FAT2: variants seen among roughly 807,000 people sequenced by gnomAD.
FAT2 encodes the protein FAT atypical cadherin 2.
In FAT2, 150 loss-of-function variants were observed where a neutral mutation model predicts 295.3. The ratio of observed to expected loss-of-function variants is 0.51; its 90% CI spans 0.44 to 0.58. The LOEUF is 0.58. FAT2 is among the 20% of genes least tolerant of loss of function. The pLI is 0.00. For synonymous variants in FAT2, 2,026 were observed against 2,150.3 expected, an observed-to-expected ratio of 0.94 and a Z score of 1.60; for missense variants, 4,868 against 5,442.7, an observed-to-expected ratio of 0.89 and a Z score of 3.32.
In FAT2 at chr5:151,504,459, T is replaced by G. The variant is rs1760693218; in HGVS notation, c.*1106A>C. ...ATGGGCACCCACATGTGTAGACATG[T>G]GCCCACATTGACCCTCCATGCATAG... On this transcript the variant is annotated 3_prime_UTR_variant, in exon 24 of 24. Transcript: ENST00000261800. 1 of 152,694 alleles carries G rather than the reference T, an allele frequency of 6.5e-6. No individual in the cohort carries two copies. Among genetic ancestry groups the G allele is most frequent in the South Asian group, 2.1e-4 (1 of 4,838 alleles). The allele number at this position is 152,694 out of a possible 1,614,324, so 9.5% of individuals were successfully genotyped here. A position where few individuals can be genotyped will look rare whatever the true frequency, so the allele number is the denominator to read the frequency against.
Position 151,542,941 on chromosome 5 carries a change from C to T in FAT2, c.8186G>A (p.Gly2729Asp). ...QDPVIYSLVRGTTPESNKDGV... is the reference protein window; with the variant it reads ...QDPVIYSLVRDTTPESNKDGV... The stretch of plus-strand genomic sequence containing the variant: ...ATCCTTGTTGCTCTCAGGTGTAGTG[C>T]CCCGCACTAGACTGTAGATGACTGG... Residue 2729 changes from glycine (G) to aspartate (D), a missense_variant, in exon 10 of 24, where the codon GGC (glycine) becomes GAC (aspartate). Gly to Asp is a moderately conservative substitution (Grantham distance 94). This residue lies in a region of FAT2 where 3,297 missense variants were observed against 3,669.4 expected (regional missense o/e 0.90). Transcript: ENST00000261800. 6.2e-7 allele frequency: 1 copy of T among 1,614,202 alleles called. No individual in the cohort carries two copies. The highest frequency in any genetic ancestry group is 8.5e-7 in the Non-Finnish European group (1 of 1,180,034).
intron 11 of FAT2, 76 bp from the exon 12 acceptor site, chr5:151,538,022 T>A: frequency 7.4e-7 from 1 of 1,358,650 alleles, no homozygotes; most frequent in Non-Finnish European, 1.0e-6. Flanking sequence ...AGTGACTGAC[T>A]GAGGGAGGCA....
chr5:151,506,284 T>C (rs779174232), intron 23 of FAT2, among the ~76,000 whole-genome samples, 187 bp from the exon 24 acceptor site: 34 of 152,376 alleles, frequency 2.2e-4, no homozygotes, highest in Middle Eastern at 3.4e-3. Context: ...AGCTCAAGGC[T>C]AGAGGTTTGA....
At chr5:151,555,269 GT>G (rs1291074304) in intron 4 of FAT2, among the ~76,000 whole-genome samples, 3 of 151,330 alleles carry the variant, frequency 2.0e-5, no homozygotes, top group Non-Finnish European at 4.4e-5. Context: ...ACACTTTGGT[GT>G]TTAAAGGTAA....
At position 151,566,911 on chromosome 5, in the gene FAT2, CCT is replaced by C; in HGVS notation, c.2019_2020del (p.Val675IlefsTer21). ...AGTCTTTGTGAATTGTGTCAATACC[CCT>C]GTTTTATCACATGTTACAGGAACTT... is the stretch of plus-strand genomic sequence containing the variant. On this transcript the variant is annotated frameshift_variant, in exon 2 of 24. Coordinates refer to ENST00000261800, the MANE Select transcript of FAT2 (RefSeq NM_001447.3). LOFTEE classifies it high-confidence loss of function. 2 of 1,614,076 alleles carry C rather than the reference CCT, an allele frequency of 1.2e-6. No homozygotes were observed. The highest frequency in any genetic ancestry group is 1.7e-6 in the Non-Finnish European group (2 of 1,180,008).
chr5:151,513,686 C>G (rs148352981), intron 20 of FAT2, among the ~76,000 whole-genome samples: 1 of 152,008 alleles, frequency 6.6e-6, no homozygotes, highest in Admixed American at 6.6e-5. Flanking sequence ...TACACCAATC[C>G]CCTATGATAC....
rs546501020 is a variant in FAT2 at position 151,538,066 on chromosome 5, C to T, written c.9040-120G>A. On this transcript the variant is annotated intron_variant, in intron 11 of 23. Transcript: ENST00000261800. ...AAGAGAGACACTAAGAGGGCAGAGA[C>T]GAAGAGAGACAGAAAAAAGAACAGA... 44 of 700,836 alleles carry T rather than the reference C, an allele frequency of 6.3e-5. No homozygotes were observed. In the South Asian group the frequency reaches 7.2e-4, roughly 12 times the overall value. The allele number at this position is 700,836 out of a possible 1,614,324, so 43.4% of individuals were successfully genotyped here. A position where few individuals can be genotyped will look rare whatever the true frequency, so the allele number is the denominator to read the frequency against.
At chr5:151,506,202 G>T in intron 23 of FAT2, 105 bp from the exon 24 acceptor site, 1 of 1,265,274 alleles carries the variant, frequency 7.9e-7, no homozygotes, top group Non-Finnish European at 1.1e-6. Flanking sequence ...AGATGGGAGT[G>T]GGTGGGCATA....
Position 151,548,030 on chromosome 5 carries a change from T to C in FAT2, c.4789+1265A>G, listed in dbSNP as rs149693072. Among the ~76,000 whole-genome samples the C allele has an allele frequency of 9.9e-4, 151 of 152,336 alleles. 1 individual carries two copies. Among genetic ancestry groups the C allele is most frequent in the African/African-American group, 3.5e-3 (147 of 41,590 alleles). ...TCCATCAATGAGGTTGTCAATGAGA[T>C]AAAAGATGTGATTTCATTTCATAAA... On this transcript the variant is annotated intron_variant, in intron 9 of 23. Transcript: ENST00000261800.
chr5:151,590,064 G>T (rs1168078471), intron 1 of FAT2, among the ~76,000 whole-genome samples: 4 of 152,180 alleles, frequency 2.6e-5, no homozygotes. Context: ...CTGCCACACT[G>T]CCTGGATTTG....
At chr5:151,536,681 A>G (rs987337912) in intron 12 of FAT2, among the ~76,000 whole-genome samples, 7 of 152,302 alleles carry the variant, frequency 4.6e-5, no homozygotes, top group African/African-American at 1.7e-4. Context: ...GATAATGGCA[A>G]CCCATCCACT....
rs1304590667 is a variant in FAT2 at position 151,529,401 on chromosome 5, G to A, written c.9812-9C>T. Reference sequence around the variant, plus strand: ...GTTGACATACAGGATCCCTGAAGAAGCAAGAGGTGACAGCAGCAATGAGGC... The same window carrying A: ...GTTGACATACAGGATCCCTGAAGAAACAAGAGGTGACAGCAGCAATGAGGC... On this transcript the variant is annotated splice_polypyrimidine_tract_variant and intron_variant, in intron 14 of 23. Coordinates refer to ENST00000261800, the MANE Select transcript of FAT2 (RefSeq NM_001447.3). 3 of 1,613,006 alleles carry A rather than the reference G, an allele frequency of 1.9e-6. No individual in the cohort carries two copies. The highest frequency in any genetic ancestry group is 2.5e-6 in the Non-Finnish European group (3 of 1,179,648).
Position 151,549,367 on chromosome 5 carries a change from C to T in FAT2, c.4717G>A (p.Glu1573Lys), listed in dbSNP as rs1463613449. The T allele has an allele frequency of 5.6e-6, 9 of 1,613,950 alleles. No individual in the cohort carries two copies. Among genetic ancestry groups the T allele is most frequent in the African/African-American group, 1.3e-5 (1 of 74,928 alleles). Reference sequence around the variant, plus strand: ...TCCATGGCTCGGACCTGCAGCAGCTCTGTGCCGGGGGCTATGGTGTCAGGA... The same window carrying T: ...TCCATGGCTCGGACCTGCAGCAGCTTTGTGCCGGGGGCTATGGTGTCAGGA... ...SVPDTIAPGTELLQVRAMDAD... is the reference protein window; with the variant it reads ...SVPDTIAPGTKLLQVRAMDAD... Residue 1573 changes from glutamate (E) to lysine (K), a missense_variant, in exon 9 of 24, where the codon GAG (glutamate) becomes AAG (lysine). Glu to Lys is a moderately conservative substitution (Grantham distance 56). This residue lies in a region of FAT2 where 3,297 missense variants were observed against 3,669.4 expected (regional missense o/e 0.90). Transcript: ENST00000261800.
chr5:151,534,912 A>G (rs1176038676), intron 12 of FAT2, among the ~76,000 whole-genome samples: 1 of 147,772 alleles, frequency 6.8e-6, no homozygotes, highest in Admixed American at 6.9e-5. Context: ...CAATTAGGCA[A>G]TTTCTAACAA....
At chr5:151,516,319 G>A (rs1338343179) in intron 20 of FAT2, among the ~76,000 whole-genome samples, 1 of 152,118 alleles carries the variant, frequency 6.6e-6, no homozygotes, top group African/African-American at 2.4e-5. Context: ...AGACCAGCCT[G>A]GCCAACATGG....
intron 16 of FAT2, 106 bp from the exon 17 acceptor site, chr5:151,527,483 T>G (rs970953061): frequency 8.5e-7 from 1 of 1,170,554 alleles, no homozygotes; most frequent in African/African-American, 1.5e-5. Flanking sequence ...GGAGACACTT[T>G]CCTATGCCCA....
chr5:151,548,254 T>C (rs1212144419), intron 9 of FAT2, among the ~76,000 whole-genome samples: 1 of 152,038 alleles, frequency 6.6e-6, no homozygotes, highest in Non-Finnish European at 1.5e-5. Flanking sequence ...ATTATTTTCT[T>C]CTTGGTTTCT....
chr5:151,526,664 A>T (rs190158800), intron 17 of FAT2, among the ~76,000 whole-genome samples: 2 of 152,210 alleles, frequency 1.3e-5, no homozygotes, highest in Admixed American at 6.5e-5. Flanking sequence ...ATTTTTAGTC[A>T]GGTAACTTAT....
chr5:151,594,321 T>C (rs576350327), upstream of FAT2, among the ~76,000 whole-genome samples: 32 of 152,270 alleles, frequency 2.1e-4, no homozygotes, highest in African/African-American at 7.7e-4. Context: ...CTCCCTACTC[T>C]ATTGGAAGTT....
Sources: gnomAD v4.1 joint callset for allele counts (sites outside exome capture counted in the v4.1 genomes callset) on GRCh38, gnomAD v4.1.1 for gene constraint, gnomAD v4.1.1 regional missense constraint, MANE v1.5 for transcripts, NCBI Gene and HGNC (gene_info 2026-07-23, HGNC 2026-07-21) for gene names.